TSPAN9: variants seen among roughly 807,000 people sequenced by gnomAD.
The protein encoded by TSPAN9 is tetraspanin 9, also known as tetraspanin-9.
In TSPAN9, 16 loss-of-function variants were observed where a neutral mutation model predicts 31.0. That is an observed-to-expected ratio of 0.52 (90% CI 0.35 to 0.78). The LOEUF is 0.78. Ranked by LOEUF, TSPAN9 falls within the 30% of genes least tolerant of loss-of-function variation. The probability of loss-of-function intolerance (pLI) is 0.01; values close to 1 mark genes in which losing one functional copy is unlikely to be tolerated. For missense variants in TSPAN9, 272 were observed against 312.5 expected (o/e 0.87, Z 0.98); for synonymous variants, 145 against 121.6 (o/e 1.19, Z -1.27).
intron 3 of TSPAN9, among the ~76,000 whole-genome samples, chr12:3,248,142 C>T (rs1862175179): frequency 6.6e-6 from 1 of 152,118 alleles, no homozygotes; most frequent in Non-Finnish European, 1.5e-5. Context: ...AATGTCTGTC[C>T]CCTGGGGATT....
At chr12:3,169,701 T>G (rs538621820) in intron 2 of TSPAN9, among the ~76,000 whole-genome samples, 51 of 152,354 alleles carry the variant, frequency 3.3e-4, no homozygotes, top group African/African-American at 1.2e-3. Context: ...TGGGAAAGGC[T>G]TCCATGCCTG....
At chr12:3,154,621 T>TG (rs1197624252) in intron 2 of TSPAN9, among the ~76,000 whole-genome samples, 3 of 152,260 alleles carry the variant, frequency 2.0e-5, no homozygotes, top group South Asian at 4.1e-4. Flanking sequence ...CTCAGCGTCC[T>TG]GCTTTCATTG....
intron 2 of TSPAN9, among the ~76,000 whole-genome samples, chr12:3,184,471 A>G (rs80255493): frequency 0.048 from 7,315 of 152,180 alleles, 607 homozygotes; most frequent in African/African-American, 0.17. Context: ...AAAAAAAGAA[A>G]GAGTCCAAGG....
chr12:3,173,896 T>C (rs1299876910), intron 2 of TSPAN9: 2 of 152,250 alleles, frequency 1.3e-5, no homozygotes, highest in Admixed American at 1.3e-4. Flanking sequence ...ACCAGCTGAG[T>C]TGAGCCCATC....
intron 2 of TSPAN9, among the ~76,000 whole-genome samples, chr12:3,123,093 G>T (rs2098325854): frequency 6.6e-6 from 1 of 152,150 alleles, no homozygotes; most frequent in African/African-American, 2.4e-5. Context: ...TTTAGTGTTG[G>T]TCTGTCCAGC....
intron 2 of TSPAN9, among the ~76,000 whole-genome samples, chr12:3,095,472 C>T (rs1423501733): frequency 8.3e-5 from 11 of 132,060 alleles, no homozygotes; most frequent in African/African-American, 2.7e-4. Flanking sequence ...CCTCACCTCC[C>T]GGACGGGGCG....
chr12:3,186,566 GT>G (rs1448750754), intron 2 of TSPAN9, among the ~76,000 whole-genome samples: 2 of 151,788 alleles, frequency 1.3e-5, no homozygotes, highest in African/African-American at 4.8e-5. Context: ...GTGTGTGTGT[GT>G]GTGTGTGTGT....
chr12:3,179,555 C>G (rs1341376108), intron 2 of TSPAN9, among the ~76,000 whole-genome samples: 1 of 152,156 alleles, frequency 6.6e-6, no homozygotes, highest in Non-Finnish European at 1.5e-5. Flanking sequence ...GTGAGGCAGA[C>G]AGCTGAGTAG....
At chr12:3,281,996 C>T (rs73048979) in intron 8 of TSPAN9, 179 bp downstream of exon 8, 17,522 of 771,350 alleles carry the variant, frequency 0.023, 280 homozygotes, top group Middle Eastern at 0.034. Flanking sequence ...TATGAGAGCA[C>T]GTGTCTACTC....
At chr12:3,182,304 G>T (rs1565605083) in intron 2 of TSPAN9, among the ~76,000 whole-genome samples, 1 of 152,038 alleles carries the variant, frequency 6.6e-6, no homozygotes, top group South Asian at 2.1e-4. Flanking sequence ...TACTGATGGA[G>T]GGTGGGGGGC....
At chr12:3,207,932 A>G (rs2098376218) in intron 3 of TSPAN9, among the ~76,000 whole-genome samples, 1 of 152,166 alleles carries the variant, frequency 6.6e-6, no homozygotes, top group Non-Finnish European at 1.5e-5. Context: ...GCGCCTCCAG[A>G]AGTGAGGGCT....
chr12:3,261,045 G>A (rs528396024), intron 3 of TSPAN9, among the ~76,000 whole-genome samples: 2 of 152,298 alleles, frequency 1.3e-5, no homozygotes, highest in African/African-American at 4.8e-5. Context: ...TGACAGAGAG[G>A]AGGTGGGGTG....
Position 3,121,533 on chromosome 12 carries a change from C to CGTTTTTTTTT in TSPAN9, c.-18+37814_-18+37815insGTTTTTTTTT, listed in dbSNP as rs1426241959. Among the ~76,000 whole-genome samples, 6 of 92,922 alleles carry CGTTTTTTTTT rather than the reference C, an allele frequency of 6.5e-5. 2 individuals carry two copies. The highest frequency in any genetic ancestry group is 3.9e-5 in the Non-Finnish European group (2 of 50,782). 61.0% of individuals were successfully genotyped at this position (92,922 alleles called of 152,430 possible). ...TGCCACCATATCTGGCTAATTAAAA[C>CGTTTTTTTTT]TTTTTTTTTTTTTTTTTTTTTTTTT... On this transcript the variant is annotated intron_variant, in intron 2 of 8. Coordinates refer to ENST00000011898, the MANE Select transcript of TSPAN9 (RefSeq NM_006675.5).
intron 2 of TSPAN9, among the ~76,000 whole-genome samples, chr12:3,093,305 G>T (rs145013868): frequency 6.2e-4 from 94 of 152,288 alleles, no homozygotes; most frequent in East Asian, 3.9e-3. Context: ...GGCCAGGCGT[G>T]GGGGGCAGTA....
intron 2 of TSPAN9, among the ~76,000 whole-genome samples, chr12:3,099,829 G>T (rs1245285752): frequency 6.7e-6 from 1 of 149,638 alleles, no homozygotes; most frequent in Non-Finnish European, 1.5e-5. Context: ...TGTTTTTGAG[G>T]TCTGTCCACT....
chr12:3,269,800 C>T (rs1339920258), intron 3 of TSPAN9, among the ~76,000 whole-genome samples: 2 of 152,244 alleles, frequency 1.3e-5, no homozygotes, highest in African/African-American at 4.8e-5. Context: ...CACCCACCCG[C>T]ACCCCCTCTC....
At chr12:3,214,110 C>T (rs1192863125) in intron 3 of TSPAN9, among the ~76,000 whole-genome samples, 1 of 152,244 alleles carries the variant, frequency 6.6e-6, no homozygotes, top group East Asian at 1.9e-4. Flanking sequence ...CTCTGGGCCT[C>T]AGTTTCCACA....
intron 2 of TSPAN9, among the ~76,000 whole-genome samples, chr12:3,089,236 AAG>A (rs2098302598): frequency 6.6e-6 from 1 of 150,994 alleles, no homozygotes; most frequent in Admixed American, 6.6e-5. Flanking sequence ...CATCTCAAAA[AAG>A]AAAAAAAAAA....
intron 3 of TSPAN9, among the ~76,000 whole-genome samples, chr12:3,216,471 C>T (rs1348780379): frequency 6.6e-6 from 1 of 152,210 alleles, no homozygotes; most frequent in African/African-American, 2.4e-5. Context: ...GCTTCTCCAG[C>T]ATCAAGCCTC....
Sources: allele counts gnomAD v4.1 joint callset (sites outside exome capture counted in the v4.1 genomes callset), GRCh38; gene constraint gnomAD v4.1.1; transcripts MANE v1.5; gene names NCBI Gene and HGNC (gene_info 2026-07-23, HGNC 2026-07-21).